Variants in SETD1A observed in about 807,000 individuals in gnomAD.
The protein encoded by SETD1A is SET domain containing 1A, histone lysine methyltransferase, also known as histone-lysine N-methyltransferase SETD1A.
In SETD1A, 29 loss-of-function variants were observed where a neutral mutation model predicts 149.9. The ratio of observed to expected loss-of-function variants is 0.19; its 90% confidence interval spans 0.14 to 0.26. The LOEUF (loss-of-function observed/expected upper bound fraction) is 0.26. SETD1A is among the 10% of genes least tolerant of loss of function. The pLI is 1.00. For synonymous variants in SETD1A, 1,141 were observed against 968.5 expected (o/e 1.18, Z -3.31); for missense variants, 2,109 against 2,353.1 (o/e 0.90, Z 2.15).
At chr16:30,959,346 C>T in intron 3 of SETD1A, among the ~76,000 whole-genome samples, 160 bp downstream of exon 3, 1 of 152,190 alleles carries the variant, frequency 6.6e-6, no homozygotes, top group Non-Finnish European at 1.5e-5. Context: ...AGGAGGTACA[C>T]TTAATCTTCC....
chr16:30,982,531 G>A (rs2143598791), intron 17 of SETD1A, among the ~76,000 whole-genome samples: 1 of 152,096 alleles, frequency 6.6e-6, no homozygotes, highest in African/African-American at 2.4e-5. Context: ...AAAAAACAGG[G>A]TCAGTGGCAG....
In SETD1A at chr16:30,965,298, T is replaced by G; in HGVS notation, c.1556T>G (p.Met519Arg). Reference protein sequence around the residue: ...DTEEEEENSSMVLGARDTGSE... With the variant: ...DTEEEEENSSRVLGARDTGSE... ...GAGGAGGAGGAAGAGAACAGCAGCA[T>G]GGTCCTTGGGGCCAGAGATACAGGG... is the stretch of plus-strand genomic sequence containing the variant. Residue 519 changes from methionine (M) to arginine (R), a missense_variant, in exon 7 of 19, where the codon ATG (methionine) becomes AGG (arginine). Met to Arg is a moderately conservative substitution (Grantham distance 91). Around this residue, in one of 8 missense-constraint regions of SETD1A, gnomAD observed 431 missense variants for 388.6 expected, o/e 1.11. Coordinates refer to ENST00000262519, the MANE Select transcript of SETD1A (RefSeq NM_014712.3). 2 of 1,614,222 alleles carry G rather than the reference T, an allele frequency of 1.2e-6. No individual in the cohort carries two copies. The highest frequency in any genetic ancestry group is 1.7e-6 in the Non-Finnish European group (2 of 1,180,032).
intron 17 of SETD1A, among the ~76,000 whole-genome samples, chr16:30,982,500 CAAA>C (rs61490592): frequency 8.0e-6 from 1 of 124,564 alleles, no homozygotes; most frequent in African/African-American, 3.2e-5. Flanking sequence ...GACTCCGTCT[CAAA>C]AAAAAAAAAA....
Position 30,965,696 on chromosome 16 carries a change from G to T in SETD1A, c.1815G>T (p.Pro605=), listed in dbSNP as rs377249428. The T allele has an allele frequency of 1.8e-5, 17 of 929,474 alleles. No homozygotes were observed. Among genetic ancestry groups the T allele is most frequent in the African/African-American group, 5.6e-5 (2 of 35,566 alleles). The allele number at this position is 929,474 out of a possible 1,614,324, so 57.6% of individuals were successfully genotyped here. ...PPAPTPPQQP[P]PPPPPPPPPP... ...CCCCGACGCCCCCTCAGCAGCCTCC[G>T]CCACCTCCCCCTCCCCCGCCGCCTC... The change falls in exon 8 of 19, where the codon CCG becomes CCT. Residue 605 remains proline, a synonymous_variant. Coordinates refer to ENST00000262519, the MANE Select transcript of SETD1A (RefSeq NM_014712.3).
In SETD1A at chr16:30,966,187, C is replaced by A; in HGVS notation, c.2306C>A (p.Ala769Asp). 1 of 1,611,966 alleles carries A rather than the reference C, an allele frequency of 6.2e-7. No homozygotes were observed. Among genetic ancestry groups the A allele is most frequent in the Non-Finnish European group, 8.5e-7 (1 of 1,179,162 alleles). ...TCCTCCTCAGTCTCGGGAGAGGAGG[C>A]CCGGCTGCCACCCAGGGAAGAAGCA... Reference protein sequence around the residue: ...LPSSSVSGEEARLPPREEAEL... With the variant: ...LPSSSVSGEEDRLPPREEAEL... Residue 769 changes from alanine to aspartate, a missense_variant, in exon 8 of 19, where the codon GCC becomes GAC. Coordinates refer to ENST00000262519, the MANE Select transcript of SETD1A (RefSeq NM_014712.3).
At position 30,983,709 on chromosome 16, in the gene SETD1A, C is replaced by T. The variant is rs756957393; in HGVS notation, c.4887C>T (p.His1629=). Residue 1629 remains histidine (H), a synonymous_variant, in exon 18 of 19, where the codon CAC becomes CAT. Coordinates refer to ENST00000262519, the MANE Select transcript of SETD1A (RefSeq NM_014712.3). This position sits in a 1 kb window ranked among gnomAD's most constrained non-coding sequence, Gnocchi z 6.8. ...GCAGCTACCTGTTCCGGGTGGACCACGACACCATCATCGATGCCACCAAGT... is the reference window on the plus strand; with the variant it reads ...GCAGCTACCTGTTCCGGGTGGACCATGACACCATCATCGATGCCACCAAGT... ...IGSSYLFRVD[H]DTIIDATKCG... 33 of 1,613,972 alleles carry T rather than the reference C, an allele frequency of 2.0e-5. No homozygotes were observed. The highest frequency in any genetic ancestry group is 2.5e-5 in the Non-Finnish European group (30 of 1,179,986).
chr16:30,960,730 C>CTTTTTTTTTTTTTTT (rs71374043), intron 3 of SETD1A, among the ~76,000 whole-genome samples: 4 of 80,550 alleles, frequency 5.0e-5, no homozygotes, highest in Admixed American at 3.4e-4. Context: ...TTCTTTCTTT[C>CTTTTTTTTTTTTTTT]TTTTTTTTTT....
chr16:30,974,786 C>G (rs1466170981), intron 13 of SETD1A, among the ~76,000 whole-genome samples: 2 of 151,996 alleles, frequency 1.3e-5, no homozygotes, highest in Non-Finnish European at 2.9e-5. Context: ...GTGGGCAGAT[C>G]ACTTGACGTC....
chr16:30,977,444 G>A (rs192722339), intron 13 of SETD1A, among the ~76,000 whole-genome samples: 43 of 152,370 alleles, frequency 2.8e-4, no homozygotes, highest in Middle Eastern at 3.4e-3. Context: ...TGACTGGGCA[G>A]GTGCCCCCAA....
At chr16:30,972,406 G>T (rs2056236113) in intron 13 of SETD1A, among the ~76,000 whole-genome samples, 1 of 151,674 alleles carries the variant, frequency 6.6e-6, no homozygotes, top group East Asian at 1.9e-4. Flanking sequence ...GGAGGCCAAG[G>T]CGGGTGGATC....
Position 30,969,354 on chromosome 16 carries a change from G to T in SETD1A, c.2820G>T (p.Lys940Asn), listed in dbSNP as rs775916503. 16 of 1,614,108 alleles carry T rather than the reference G, an allele frequency of 9.9e-6. No individual in the cohort carries two copies. Among genetic ancestry groups the T allele is most frequent in the Non-Finnish European group, 1.3e-5 (15 of 1,180,040 alleles). ...EAGEPGRPGT[K>N]PPKRDEERGK... ...GAGAGCCAGGACGTCCGGGGACCAA[G>T]CCCCCGAAGCGGGACGAAGAGCGAG... The change falls in exon 11 of 19, where the codon AAG (lysine) becomes AAT (asparagine). Residue 940 changes from lysine to asparagine, a missense_variant. By Grantham distance (94) the Lys-to-Asn change is moderately conservative. Coordinates refer to ENST00000262519, the MANE Select transcript of SETD1A (RefSeq NM_014712.3).
intron 4 of SETD1A, among the ~76,000 whole-genome samples, chr16:30,962,377 TTCTA>T (rs1034871470): frequency 1.2e-4 from 18 of 152,200 alleles, no homozygotes; most frequent in African/African-American, 4.3e-4. Context: ...TTTTTAATCT[TTCTA>T]TATGCTATTC....
In SETD1A at chr16:30,958,745, G is replaced by A. The variant is rs1180125646; in HGVS notation, c.14G>A (p.Gly5Asp). 6.2e-7 allele frequency: 1 copy of A among 1,614,184 alleles called. No homozygotes were observed. The highest frequency in any genetic ancestry group is 1.7e-5 in the Admixed American group (1 of 60,030). Residue 5 changes from glycine (G) to aspartate (D), a missense_variant, in exon 2 of 19, where the codon GGT becomes GAT. Around this residue, in one of 8 missense-constraint regions of SETD1A, gnomAD observed 75 missense variants for 95.3 expected, o/e 0.79. Coordinates refer to ENST00000262519, the MANE Select transcript of SETD1A (RefSeq NM_014712.3). The part of the protein sequence containing the change: MDQE[G>D]GGDGQKAPSF... ...AAATGAGCAAAGATGGATCAGGAAG[G>A]TGGGGGAGATGGGCAGAAGGCCCCG...
chr16:30,982,781 G>A (rs2056397797), intron 17 of SETD1A, among the ~76,000 whole-genome samples: 1 of 152,136 alleles, frequency 6.6e-6, no homozygotes, highest in Non-Finnish European at 1.5e-5. Flanking sequence ...GGCAGCAGAG[G>A]TGACAGAGAG....
At chr16:30,968,091 T>G (rs751496935) in intron 10 of SETD1A, among the ~76,000 whole-genome samples, 1 of 152,016 alleles carries the variant, frequency 6.6e-6, no homozygotes, top group Non-Finnish European at 1.5e-5. Context: ...TGATACAAGA[T>G]CAAATGGACA....
chr16:30,965,466 G>A lies in SETD1A; in HGVS notation c.1719+5G>A. 6.3e-7 allele frequency: 1 copy of A among 1,590,156 alleles called. No homozygotes were observed. The highest frequency in any genetic ancestry group is 8.6e-7 in the Non-Finnish European group (1 of 1,164,008). On this transcript the variant is annotated splice_donor_5th_base_variant and intron_variant, in intron 7 of 18. Transcript: ENST00000262519. ...AAGGCAAATGGACAGAACCAGGTGA[G>A]GTTGGGGTCAGCCAGAGGAGGCACC...
chr16:30,967,619 T>C lies in SETD1A; in HGVS notation c.2770+31T>C, dbSNP rs1017826524. 7 of 1,586,404 alleles carry C rather than the reference T, an allele frequency of 4.4e-6. No individual in the cohort carries two copies. The Admixed American group carries it at 1.0e-4, about 23-fold the overall frequency. On this transcript the variant is annotated intron_variant, in intron 10 of 18. Transcript: ENST00000262519. ...CAGGGTCAGGCATAAGGAGAAGGGG[T>C]GTGCTGCGTGGGTTCTGATGGGAGA... is the stretch of plus-strand genomic sequence containing the variant.
chr16:30,982,510 AAAAAG>A (rs1449881559), intron 17 of SETD1A, among the ~76,000 whole-genome samples: 14 of 151,894 alleles, frequency 9.2e-5, no homozygotes, highest in East Asian at 1.9e-4. Context: ...CAAAAAAAAA[AAAAAG>A]AAAAGAAAAA....
In SETD1A at chr16:30,965,167, C is replaced by T. The variant is rs758362259; in HGVS notation, c.1425C>T (p.Thr475=). ...GCTCTGGCTCCCCAGCCCCGGAGAC[C>T]ACCAATGAGAGTGTGCCCTTCGCCC... ...PARSGSPAPE[T]TNESVPFAQH... is the part of the protein sequence containing the mutation. Residue 475 remains threonine, a synonymous_variant, in exon 7 of 19, where the codon ACC becomes ACT. Coordinates refer to ENST00000262519, the MANE Select transcript of SETD1A (RefSeq NM_014712.3). 2.5e-6 allele frequency: 4 copies of T among 1,613,834 alleles called. No individual in the cohort carries two copies. The South Asian group carries it at 4.4e-5, about 18-fold the overall frequency.
Sources: allele counts gnomAD v4.1 joint callset (sites outside exome capture counted in the v4.1 genomes callset), GRCh38; gene constraint gnomAD v4.1.1; regional missense constraint gnomAD v4.1.1; non-coding constraint Gnocchi (gnomAD v3.1); transcripts MANE v1.5; gene names NCBI Gene and HGNC (gene_info 2026-07-23, HGNC 2026-07-21).